Variants in XKR4 observed in about 807,000 individuals in gnomAD.
XKR4 encodes XK-related protein 4.
In XKR4, 12 loss-of-function variants were observed where a neutral mutation model predicts 53.9. That is an observed-to-expected ratio of 0.22 (90% CI 0.14 to 0.36). The LOEUF is 0.36. XKR4 is among the 10% of genes least tolerant of loss of function. The probability of loss-of-function intolerance (pLI) is 1.00; values close to 1 mark genes in which losing one functional copy is unlikely to be tolerated. For missense variants in XKR4, 799 were observed against 859.5 expected (o/e 0.93, Z 0.88); for synonymous variants, 354 against 362.4 (o/e 0.98, Z 0.26).
intron 2 of XKR4, among the ~76,000 whole-genome samples, chr8:55,460,152 C>G (rs1473917914): frequency 6.6e-6 from 1 of 151,972 alleles, no homozygotes; most frequent in East Asian, 1.9e-4. Flanking sequence ...AAAAATCTGG[C>G]AAATAAAGGA....
At chr8:55,230,363 C>T (rs1394571886) in intron 1 of XKR4, among the ~76,000 whole-genome samples, 4 of 138,384 alleles carry the variant, frequency 2.9e-5, no homozygotes, top group East Asian at 2.1e-4. Flanking sequence ...GAAAGAGACA[C>T]TTTTTTTTTT....
chr8:55,266,448 G>C (rs902022104), intron 1 of XKR4, among the ~76,000 whole-genome samples: 1 of 152,098 alleles, frequency 6.6e-6, no homozygotes, highest in Admixed American at 6.5e-5. Context: ...TCTGCGAAGA[G>C]GGTAATAGAG....
intron 2 of XKR4, among the ~76,000 whole-genome samples, chr8:55,448,079 A>T (rs1018396734): frequency 2.6e-5 from 4 of 152,242 alleles, no homozygotes. Flanking sequence ...AGAACAGCAA[A>T]AGTGGGAACA....
chr8:55,469,989 C>A (rs1290162838), intron 2 of XKR4, among the ~76,000 whole-genome samples: 4 of 151,896 alleles, frequency 2.6e-5, no homozygotes, highest in Non-Finnish European at 4.4e-5. Context: ...TACACATGGA[C>A]AAATAAGTGC....
chr8:55,109,426 T>C (rs1816202426), intron 1 of XKR4, among the ~76,000 whole-genome samples: 1 of 152,206 alleles, frequency 6.6e-6, no homozygotes, highest in South Asian at 2.1e-4. Flanking sequence ...ATTCGTTGGT[T>C]TATAGACTCA....
chr8:55,523,495 T>A lies in XKR4; in HGVS notation c.1221T>A (p.Leu407=). 3 of 1,614,234 alleles carry A rather than the reference T, an allele frequency of 1.9e-6. No homozygotes were observed. Among genetic ancestry groups the A allele is most frequent in the Non-Finnish European group, 1.7e-6 (2 of 1,180,044 alleles). ...FQLYFGIFIV[L]HWCIMTFWIV... ...TGTACTTTGGGATCTTCATCGTCCT[T>A]CACTGGTGCATCATGACCTTCTGGA... Residue 407 remains leucine, a synonymous_variant, in exon 3 of 3, where the codon CTT becomes CTA. Transcript: ENST00000327381.
intron 2 of XKR4, chr8:55,452,408 C>A: frequency 1.6e-6 from 1 of 628,012 alleles, no homozygotes; most frequent in Admixed American, 2.5e-5. Context: ...AGAGGGCGCC[C>A]TCAGCTGGGA....
chr8:55,243,271 A>G (rs980474954), intron 1 of XKR4, among the ~76,000 whole-genome samples: 4 of 152,214 alleles, frequency 2.6e-5, no homozygotes, highest in Non-Finnish European at 5.9e-5. Flanking sequence ...GTACAATGCC[A>G]TGTATCCACC....
intron 2 of XKR4, among the ~76,000 whole-genome samples, chr8:55,437,488 C>T (rs1805193266): frequency 6.6e-6 from 1 of 152,218 alleles, no homozygotes; most frequent in Non-Finnish European, 1.5e-5. Context: ...GCTTCCCTCA[C>T]TCTAATTACG....
At chr8:55,254,195 TAGAG>T (rs1158594304) in intron 1 of XKR4, among the ~76,000 whole-genome samples, 2 of 151,998 alleles carry the variant, frequency 1.3e-5, no homozygotes, top group South Asian at 2.1e-4. Context: ...GAGATATATA[TAGAG>T]AGAGAGATAA....
intron 1 of XKR4, among the ~76,000 whole-genome samples, chr8:55,194,733 C>G (rs1817482906): frequency 6.6e-6 from 1 of 152,134 alleles, no homozygotes; most frequent in Non-Finnish European, 1.5e-5. Flanking sequence ...TTGGAGCCCT[C>G]TAATAGCCCT....
chr8:55,186,186 CA>C lies in XKR4; in HGVS notation c.806+82896del, dbSNP rs550855359. On this transcript the variant is annotated intron_variant, in intron 1 of 2. Transcript: ENST00000327381. ...AGATCAACAAGTTTGACCCTCGTAT[CA>C]AAACTGCTAATTTGTATTTTTCCTA... Among the ~76,000 whole-genome samples, 37 of 152,190 alleles carry C rather than the reference CA, an allele frequency of 2.4e-4. No homozygotes were observed. In the South Asian group the frequency reaches 7.3e-3, roughly 30 times the overall value.
intron 2 of XKR4, among the ~76,000 whole-genome samples, chr8:55,463,025 G>A (rs1046063438): frequency 3.3e-5 from 5 of 152,100 alleles, no homozygotes; most frequent in South Asian, 2.1e-4. Flanking sequence ...CTATAATAAT[G>A]CGAGACTTTA....
intron 1 of XKR4, among the ~76,000 whole-genome samples, chr8:55,246,551 T>C (rs1463614783): frequency 2.0e-5 from 3 of 152,186 alleles, no homozygotes; most frequent in Non-Finnish European, 4.4e-5. Context: ...TCTAAGCCCT[T>C]GAAAATCTCT....
At chr8:55,121,452 T>C (rs535464801) in intron 1 of XKR4, among the ~76,000 whole-genome samples, 1 of 152,340 alleles carries the variant, frequency 6.6e-6, no homozygotes. Flanking sequence ...CTTGTCCAAG[T>C]TACAGACACA....
intron 2 of XKR4, among the ~76,000 whole-genome samples, chr8:55,408,965 C>T (rs901583174): frequency 6.7e-6 from 1 of 150,292 alleles, no homozygotes; most frequent in Non-Finnish European, 1.5e-5. Flanking sequence ...CGAGATCGTG[C>T]CACTGCACTC....
chr8:55,157,312 CTCTTTT>C lies in XKR4; in HGVS notation c.806+54023_806+54028del, dbSNP rs563633784. ...TTGGAATAATGTGTATTGAAGGAAT[CTCTTTT>C]TCTTAGGAATAAAGAAATTATGATA... On this transcript the variant is annotated intron_variant, in intron 1 of 2. Coordinates refer to ENST00000327381, the MANE Select transcript of XKR4 (RefSeq NM_052898.2). 2.1e-3 allele frequency among the ~76,000 whole-genome samples: 319 copies of C among 152,214 alleles called. 2 individuals carry two copies. Among genetic ancestry groups the C allele is most frequent in the African/African-American group, 7.3e-3 (304 of 41,538 alleles).
chr8:55,188,562 G>A (rs944416102), intron 1 of XKR4, among the ~76,000 whole-genome samples: 10 of 152,124 alleles, frequency 6.6e-5, no homozygotes, highest in Non-Finnish European at 1.2e-4. Flanking sequence ...AGACAGGAAC[G>A]TTTTCTGAAG....
chr8:55,512,687 G>A (rs925552377), intron 2 of XKR4, among the ~76,000 whole-genome samples: 28 of 152,164 alleles, frequency 1.8e-4, no homozygotes, highest in Admixed American at 1.8e-3. Flanking sequence ...AATTGAGAGA[G>A]GGATGGAGAG....
Sources: allele counts gnomAD v4.1 joint callset (sites outside exome capture counted in the v4.1 genomes callset), GRCh38; gene constraint gnomAD v4.1.1; transcripts MANE v1.5; gene names NCBI Gene and HGNC (gene_info 2026-07-23, HGNC 2026-07-21).